GALNT8: variants seen among roughly 807,000 people sequenced by gnomAD.
The protein encoded by GALNT8 is probable polypeptide N-acetylgalactosaminyltransferase 8.
In GALNT8, 66 loss-of-function variants were observed where a neutral mutation model predicts 62.7. The observed-to-expected ratio is 1.05, with a 90% CI of 0.86 to 1.29. The LOEUF (loss-of-function observed/expected upper bound fraction) is 1.29. GALNT8 is among the 50% of genes most tolerant of loss of function. GALNT8 has a pLI of 0.00. For synonymous variants in GALNT8, 288 were observed against 294.3 expected (o/e 0.98, Z 0.22); for missense variants, 771 against 791.8 (o/e 0.97, Z 0.32).
At chr12:4,771,715 T>C (rs985144341) in intron 10 of GALNT8, among the ~76,000 whole-genome samples, 5 of 151,148 alleles carry the variant, frequency 3.3e-5, no homozygotes, top group Non-Finnish European at 5.9e-5. Context: ...CTGCAAAGGG[T>C]GGAGAGGGAA....
chr12:4,726,343 A>G lies in GALNT8; in HGVS notation c.212-189A>G, dbSNP rs899084125. 6.6e-6 allele frequency among the ~76,000 whole-genome samples: 1 copy of G among 152,072 alleles called. No individual in the cohort carries two copies. The highest frequency in any genetic ancestry group is 2.4e-5 in the African/African-American group (1 of 41,406). Reference sequence around the variant, plus strand: ...AAAGGGAGAGACGTATCTAGTACATACTTTGCTGGGACAGCCTTGCATGGC... The same window carrying G: ...AAAGGGAGAGACGTATCTAGTACATGCTTTGCTGGGACAGCCTTGCATGGC... On this transcript the variant is annotated intron_variant, in intron 1 of 10. Transcript: ENST00000252318. The surrounding 1 kb of genome is among the most constrained non-coding windows in gnomAD (Gnocchi z 4.1).
At chr12:4,764,220 T>C (rs997030870) in intron 9 of GALNT8, among the ~76,000 whole-genome samples, 173 bp downstream of exon 9, 1 of 152,202 alleles carries the variant, frequency 6.6e-6, no homozygotes, top group East Asian at 1.9e-4. Flanking sequence ...CTTAGTTTCT[T>C]CAGAAAGCCG....
At chr12:4,758,462 G>A (rs1946354901) in intron 6 of GALNT8, among the ~76,000 whole-genome samples, 1 of 152,128 alleles carries the variant, frequency 6.6e-6, no homozygotes, top group Admixed American at 6.5e-5. Flanking sequence ...GGCTCACAAT[G>A]CAGCTCTGTC....
At chr12:4,737,543 A>G (rs1306436845) in intron 2 of GALNT8, among the ~76,000 whole-genome samples, 2 of 152,174 alleles carry the variant, frequency 1.3e-5, no homozygotes, top group Non-Finnish European at 2.9e-5. Context: ...TTTTCTTAAC[A>G]AGGTCTGCCT....
intron 1 of GALNT8, among the ~76,000 whole-genome samples, chr12:4,722,602 C>T (rs970505409): frequency 1.4e-4 from 22 of 152,188 alleles, no homozygotes; most frequent in African/African-American, 4.8e-4. Context: ...TTTTATGTGC[C>T]TGTGCATCCA....
chr12:4,755,279 A>G (rs1018245719), intron 6 of GALNT8, among the ~76,000 whole-genome samples: 23 of 152,190 alleles, frequency 1.5e-4, no homozygotes, highest in African/African-American at 5.3e-4. Context: ...TACTTCTGGG[A>G]TCAGTGATTT....
chr12:4,744,291 GT>G (rs1452321973), intron 3 of GALNT8, among the ~76,000 whole-genome samples: 1 of 152,104 alleles, frequency 6.6e-6, no homozygotes, highest in Non-Finnish European at 1.5e-5. Context: ...TTTTAAGATA[GT>G]TTAACTGTCA....
At chr12:4,744,259 C>A (rs1429769415) in intron 3 of GALNT8, among the ~76,000 whole-genome samples, 3 of 152,166 alleles carry the variant, frequency 2.0e-5, no homozygotes, top group Non-Finnish European at 2.9e-5. Flanking sequence ...CAGTGCCTGA[C>A]ACGTAGTAAG....
intron 2 of GALNT8, among the ~76,000 whole-genome samples, chr12:4,728,480 A>C (rs964166702): frequency 5.3e-5 from 8 of 152,210 alleles, no homozygotes; most frequent in Admixed American, 1.3e-4. Context: ...TTTTCTTCTA[A>C]GAATTTTATA....
At chr12:4,737,103 G>A (rs959106325) in intron 2 of GALNT8, among the ~76,000 whole-genome samples, 4 of 152,110 alleles carry the variant, frequency 2.6e-5, no homozygotes, top group Non-Finnish European at 5.9e-5. Context: ...TTCATTTTCT[G>A]GTCTGGCTTT....
chr12:4,742,575 G>A (rs1946276684), intron 3 of GALNT8, among the ~76,000 whole-genome samples: 1 of 152,196 alleles, frequency 6.6e-6, no homozygotes, highest in African/African-American at 2.4e-5. Flanking sequence ...GACAAACCGA[G>A]TGAACCGTCA....
At chr12:4,759,250 A>G (rs933343466) in intron 6 of GALNT8, among the ~76,000 whole-genome samples, 6 of 152,068 alleles carry the variant, frequency 3.9e-5, no homozygotes, top group African/African-American at 1.2e-4. Flanking sequence ...TGCAAGCTGG[A>G]TGTAACCTCC....
intron 2 of GALNT8, among the ~76,000 whole-genome samples, chr12:4,730,866 CTTTT>C (rs1163742469): frequency 1.5e-5 from 2 of 137,302 alleles, no homozygotes; most frequent in Admixed American, 7.3e-5. Flanking sequence ...TTTTTCTTTT[CTTTT>C]TTTTTTTTTT....
chr12:4,765,817 T>C (rs1946397502), intron 10 of GALNT8, among the ~76,000 whole-genome samples: 3 of 152,194 alleles, frequency 2.0e-5, no homozygotes, highest in Non-Finnish European at 2.9e-5. Flanking sequence ...ATGTAATTTC[T>C]GGTGTGTTAC....
chr12:4,721,914 T>G (rs1422046953), intron 1 of GALNT8, among the ~76,000 whole-genome samples: 1 of 152,204 alleles, frequency 6.6e-6, no homozygotes, highest in Non-Finnish European at 1.5e-5. Flanking sequence ...CCGCAGTGTT[T>G]TGTGTCCCTG....
At chr12:4,723,885 T>C (rs1298241209) in intron 1 of GALNT8, among the ~76,000 whole-genome samples, 4 of 151,682 alleles carry the variant, frequency 2.6e-5, no homozygotes, top group African/African-American at 9.7e-5. Flanking sequence ...GCGCGGTGGC[T>C]CACGCCTGTA....
intron 2 of GALNT8, among the ~76,000 whole-genome samples, chr12:4,727,866 C>G (rs1235685319): frequency 6.6e-6 from 1 of 152,220 alleles, no homozygotes; most frequent in Admixed American, 6.5e-5. Flanking sequence ...GTCTTCTTTT[C>G]TTGTAGGTGT....
At chr12:4,754,503 A>G (rs998242804) in intron 6 of GALNT8, among the ~76,000 whole-genome samples, 9 of 152,154 alleles carry the variant, frequency 5.9e-5, no homozygotes, top group African/African-American at 2.2e-4. Flanking sequence ...GAGTCCTGCC[A>G]GACTACCACT....
chr12:4,724,517 G>A (rs1435748290), intron 1 of GALNT8, among the ~76,000 whole-genome samples: 2 of 152,242 alleles, frequency 1.3e-5, no homozygotes, highest in Non-Finnish European at 2.9e-5. Flanking sequence ...CCCCAAGGAA[G>A]AACGCAGAGG....
Sources: gnomAD v4.1 joint callset for allele counts (sites outside exome capture counted in the v4.1 genomes callset) on GRCh38, gnomAD v4.1.1 for gene constraint, Gnocchi (gnomAD v3.1) non-coding constraint, MANE v1.5 for transcripts, NCBI Gene and HGNC (gene_info 2026-07-23, HGNC 2026-07-21) for gene names.